Variants in GALNT18 observed in about 807,000 individuals in gnomAD.
The protein encoded by GALNT18 is polypeptide N-acetylgalactosaminyltransferase 18, also known as GalNAc-transferase 18.
GALNT18 carries 44 observed loss-of-function variants against 69.5 expected under a neutral mutation model. The observed-to-expected ratio is 0.63, with a 90% CI of 0.50 to 0.81. The LOEUF is 0.81. Ranked by LOEUF, GALNT18 falls within the 40% of genes least tolerant of loss-of-function variation. The pLI, the probability that GALNT18 is intolerant of heterozygous loss-of-function variation, is 0.00. For synonymous variants in GALNT18, 364 were observed against 318.2 expected (o/e 1.14, Z -1.53); for missense variants, 715 against 810.0 (o/e 0.88, Z 1.42).
chr11:11,437,672 G>A (rs1221907506), intron 2 of GALNT18, among the ~76,000 whole-genome samples: 1 of 149,896 alleles, frequency 6.7e-6, no homozygotes, highest in Non-Finnish European at 1.5e-5. Context: ...GTCTTGGACT[G>A]GCAGACCCTC....
At chr11:11,397,087 T>G (rs1854349856) in intron 3 of GALNT18, among the ~76,000 whole-genome samples, 1 of 152,102 alleles carries the variant, frequency 6.6e-6, no homozygotes, top group Non-Finnish European at 1.5e-5. Flanking sequence ...TTTCGGGGTA[T>G]TTAGGAGGTC....
Position 11,387,457 on chromosome 11 carries a change from C to T in GALNT18, c.596-8193G>A, listed in dbSNP as rs997978318. 6.6e-6 allele frequency among the ~76,000 whole-genome samples: 1 copy of T among 152,206 alleles called. No homozygotes were observed. The highest frequency in any genetic ancestry group is 1.5e-5 in the Non-Finnish European group (1 of 68,040). ...TGGGAACACCCCACCCACACCCCCA[C>T]TAATCCACCTCCCACTGACAAGTGC... On this transcript the variant is annotated intron_variant, in intron 3 of 10. Coordinates refer to ENST00000227756, the MANE Select transcript of GALNT18 (RefSeq NM_198516.3). This position sits in a 1 kb window ranked among gnomAD's most constrained non-coding sequence, Gnocchi z 4.6.
At position 11,273,577 on chromosome 11, in the gene GALNT18, T is replaced by C. The variant is rs181695611; in HGVS notation, c.1678-2287A>G. 2.9e-3 allele frequency among the ~76,000 whole-genome samples: 448 copies of C among 152,244 alleles called. 6 individuals carry two copies. The highest frequency in any genetic ancestry group is 0.01 in the African/African-American group (418 of 41,556). On this transcript the variant is annotated intron_variant, in intron 10 of 10. Transcript: ENST00000227756. Reference sequence around the variant, plus strand: ...GTGAGGATGTAGAGAAAAGGAAACCTTTGTACATTGTTGGTGGGAATGAAA... The same window carrying C: ...GTGAGGATGTAGAGAAAAGGAAACCCTTGTACATTGTTGGTGGGAATGAAA...
Position 11,293,150 on chromosome 11 carries a change from A to C in GALNT18, c.1556T>G (p.Leu519Arg). The C allele has an allele frequency of 7.4e-7, 1 of 1,353,534 alleles. No homozygotes were observed. The highest frequency in any genetic ancestry group is 9.6e-7 in the Non-Finnish European group (1 of 1,042,706). 83.8% of individuals were successfully genotyped at this position (1,353,534 alleles called of 1,614,324 possible). ...TSSQQIHVGILSPTVDDDDNR... is the reference protein window; with the variant it reads ...TSSQQIHVGIRSPTVDDDDNR... The stretch of plus-strand genomic sequence containing the variant: ...GTCATCATCATCCACGGTGGGGCTC[A>C]GAATGCCCACATGGATCTGCTGACT... The change falls in exon 10 of 11, where the codon CTG (leucine) becomes CGG (arginine). Residue 519 changes from leucine to arginine, a missense_variant. Coordinates refer to ENST00000227756, the MANE Select transcript of GALNT18 (RefSeq NM_198516.3).
At chr11:11,515,763 A>G (rs1490167961) in intron 1 of GALNT18, among the ~76,000 whole-genome samples, 8 of 152,208 alleles carry the variant, frequency 5.3e-5, no homozygotes, top group Admixed American at 4.6e-4. Context: ...TGGGAGGAAG[A>G]GCATTCCCAG....
rs1361777549 is a variant in GALNT18 at position 11,584,025 on chromosome 11, C to T, written c.235+37334G>A. ...GACATAGGAATTCGAAAAGGAATGG[C>T]ATCATGAGCTGGGCTGGCTGGAGAC... On this transcript the variant is annotated intron_variant, in intron 1 of 10. Coordinates refer to ENST00000227756, the MANE Select transcript of GALNT18 (RefSeq NM_198516.3). This position sits in a 1 kb window ranked among gnomAD's most constrained non-coding sequence, Gnocchi z 4.1. Among the ~76,000 whole-genome samples the T allele has an allele frequency of 6.6e-6, 1 of 152,000 alleles. No individual in the cohort carries two copies. Among genetic ancestry groups the T allele is most frequent in the African/African-American group, 2.4e-5 (1 of 41,362 alleles).
At chr11:11,321,626 G>A (rs957143409) in intron 9 of GALNT18, among the ~76,000 whole-genome samples, 5 of 152,014 alleles carry the variant, frequency 3.3e-5, no homozygotes, top group Non-Finnish European at 7.4e-5. Context: ...TTTTTGAGAT[G>A]GAGTCTCACT....
intron 1 of GALNT18, among the ~76,000 whole-genome samples, chr11:11,593,783 G>A (rs1284558391): frequency 6.6e-6 from 1 of 152,050 alleles, no homozygotes; most frequent in Non-Finnish European, 1.5e-5. Context: ...ATAAAATAAA[G>A]TAAAATAAAA....
chr11:11,489,288 C>G (rs1386643906), intron 1 of GALNT18, among the ~76,000 whole-genome samples: 1 of 152,180 alleles, frequency 6.6e-6, no homozygotes, highest in African/African-American at 2.4e-5. Context: ...AAACTGATAG[C>G]TGAGAGATGT....
Position 11,468,185 on chromosome 11 carries a change from C to T in GALNT18, c.236-19249G>A, listed in dbSNP as rs570661522. Reference sequence around the variant, plus strand: ...GATGTAGTAATATGTTATCATTCTCCTCTGTCCCACAGCCTTTGGAAGTTT... The same window carrying T: ...GATGTAGTAATATGTTATCATTCTCTTCTGTCCCACAGCCTTTGGAAGTTT... On this transcript the variant is annotated intron_variant, in intron 1 of 10. Coordinates refer to ENST00000227756, the MANE Select transcript of GALNT18 (RefSeq NM_198516.3). Among the ~76,000 whole-genome samples, 12 of 152,320 alleles carry T rather than the reference C, an allele frequency of 7.9e-5. No individual in the cohort carries two copies. The South Asian group carries it at 2.3e-3, about 29-fold the overall frequency.
intron 10 of GALNT18, among the ~76,000 whole-genome samples, chr11:11,284,908 G>GTTTTTTTTTTTTTTTTTTTTTTT (rs58795517): frequency 3.6e-5 from 3 of 82,822 alleles, no homozygotes; most frequent in African/African-American, 1.2e-4. Context: ...AGACTTTCGT[G>GTTTTTTTTTTTTTTTTTTTTTTT]TTTTTTTTTT....
intron 3 of GALNT18, among the ~76,000 whole-genome samples, chr11:11,422,318 A>C (rs2133776560): frequency 6.6e-6 from 1 of 152,398 alleles, no homozygotes; most frequent in East Asian, 1.9e-4. Flanking sequence ...AACCTCAGGC[A>C]GCAAGGAGCA....
chr11:11,571,846 G>C (rs1015556664), intron 1 of GALNT18, among the ~76,000 whole-genome samples: 1 of 152,152 alleles, frequency 6.6e-6, no homozygotes, highest in Non-Finnish European at 1.5e-5. Context: ...ACTTACTGAC[G>C]ACAGTATCTG....
intron 1 of GALNT18, among the ~76,000 whole-genome samples, chr11:11,615,480 A>G (rs930922655): frequency 2.0e-5 from 3 of 152,218 alleles, no homozygotes; most frequent in Non-Finnish European, 2.9e-5. Context: ...ACATAATGTA[A>G]TACATTATTA....
Position 11,444,982 on chromosome 11 carries a change from T to C in GALNT18, c.428+3762A>G, listed in dbSNP as rs1395504616. Among the ~76,000 whole-genome samples the C allele has an allele frequency of 6.6e-6, 1 of 152,196 alleles. No homozygotes were observed. The highest frequency in any genetic ancestry group is 1.5e-5 in the Non-Finnish European group (1 of 68,038). On this transcript the variant is annotated intron_variant, in intron 2 of 10. Coordinates refer to ENST00000227756, the MANE Select transcript of GALNT18 (RefSeq NM_198516.3). This position sits in a 1 kb window ranked among gnomAD's most constrained non-coding sequence, Gnocchi z 4.4. Reference sequence around the variant, plus strand: ...ATCCTCTCAGTCCAAATCCCAACATTAGCCAGAGCCCAGGCATCATTCTGA... The same window carrying C: ...ATCCTCTCAGTCCAAATCCCAACATCAGCCAGAGCCCAGGCATCATTCTGA...
At chr11:11,535,133 C>T (rs888092886) in intron 1 of GALNT18, among the ~76,000 whole-genome samples, 15 of 152,232 alleles carry the variant, frequency 9.9e-5, no homozygotes, top group Non-Finnish European at 2.1e-4. Flanking sequence ...CTGCATGGCT[C>T]TCAGCCCACA....
chr11:11,445,588 C>G (rs1042359212), intron 2 of GALNT18, among the ~76,000 whole-genome samples: 9 of 152,232 alleles, frequency 5.9e-5, no homozygotes, highest in African/African-American at 2.2e-4. Context: ...GGTCCACCAA[C>G]AGCTCTCCAA....
intron 6 of GALNT18, among the ~76,000 whole-genome samples, chr11:11,345,095 C>A (rs1850279942): frequency 6.6e-6 from 1 of 152,142 alleles, no homozygotes; most frequent in African/African-American, 2.4e-5. Context: ...AAATGCCCAG[C>A]CCAGCAGAGG....
rs1257237001 is a variant in GALNT18, at chr11:11,621,759, C to A, written c.-166G>T. 28 of 605,006 alleles carry A rather than the reference C, an allele frequency of 4.6e-5. No individual in the cohort carries two copies. The highest frequency in any genetic ancestry group is 7.3e-5 in the Non-Finnish European group (25 of 342,192). 37.5% of individuals were successfully genotyped at this position (605,006 alleles called of 1,614,324 possible). ...GTCCGCTGCCGGTGTAGCCGCCGTG[C>A]CCAAGTTTGCAGCTCCTGCCGCTGG... On this transcript the variant is annotated 5_prime_UTR_variant, in exon 1 of 11. Transcript: ENST00000227756. This position sits in a 1 kb window ranked among gnomAD's most constrained non-coding sequence, Gnocchi z 9.3.
Sources: allele counts gnomAD v4.1 joint callset (sites outside exome capture counted in the v4.1 genomes callset), GRCh38; gene constraint gnomAD v4.1.1; non-coding constraint Gnocchi (gnomAD v3.1); transcripts MANE v1.5; gene names NCBI Gene and HGNC (gene_info 2026-07-23, HGNC 2026-07-21).